The following NUP153 variants were observed in gnomAD, a reference collection of about 807,000 sequenced individuals.
NUP153 encodes the protein nucleoporin 153.
Under a neutral mutation model 134.6 loss-of-function variants are expected in NUP153, and 27 were observed. The ratio of observed to expected loss-of-function variants is 0.20; its 90% CI spans 0.15 to 0.28. The LOEUF is 0.28. NUP153 is among the 10% of genes least tolerant of loss of function. The probability of loss-of-function intolerance (pLI) is 1.00; values close to 1 mark genes in which losing one functional copy is unlikely to be tolerated. For synonymous variants in NUP153, 640 were observed against 623.5 expected (o/e 1.03, Z -0.40); for missense variants, 1,821 against 1,731.3 (o/e 1.05, Z -0.92).
intron 1 of NUP153, among the ~76,000 whole-genome samples, chr6:17,701,831 T>TG (rs1180643494): frequency 0.018 from 267 of 15,050 alleles, 19 homozygotes; most frequent in Non-Finnish European, 0.04. Context: ...AGACTCTGTC[T>TG]CGGGGGGGGG....
In NUP153 at chr6:17,693,652, C is replaced by T. The variant is rs987908643; in HGVS notation, c.112-5034G>A. ...CTGTAATCCCAGCACTTTGGGAGGC[C>T]GAGGCGGGCAGATCACTTGAAGTCA... On this transcript the variant is annotated intron_variant, in intron 1 of 21. Transcript: ENST00000262077. Among the ~76,000 whole-genome samples, 10 of 152,256 alleles carry T rather than the reference C, an allele frequency of 6.6e-5. No individual in the cohort carries two copies. In the South Asian group the frequency reaches 1.0e-3, roughly 16 times the overall value.
At chr6:17,700,111 GA>G (rs1769952423) in intron 1 of NUP153, among the ~76,000 whole-genome samples, 1 of 151,910 alleles carries the variant, frequency 6.6e-6, no homozygotes, top group African/African-American at 2.4e-5. Flanking sequence ...TAAGAAGCAG[GA>G]AAATTCAGAG....
chr6:17,675,526 A>T lies in NUP153; in HGVS notation c.579T>A (p.Asp193Glu). 6.2e-7 allele frequency: 1 copy of T among 1,613,910 alleles called. No homozygotes were observed. Among genetic ancestry groups the T allele is most frequent in the Non-Finnish European group, 8.5e-7 (1 of 1,179,786 alleles). Reference sequence around the variant, plus strand: ...ACTACCACATGTCAAGAATACCTTTATCAGAAGCTCTTGAAGAAAAACCAC... The same window carrying T: ...ACTACCACATGTCAAGAATACCTTTTTCAGAAGCTCTTGAAGAAAAACCAC... ...TTSGFSSRAS[D>E]KDITVSKNTS... The change falls in exon 3 of 22, where the codon GAT (aspartate) becomes GAA (glutamate). Residue 193 changes from aspartate (D) to glutamate (E), a missense_variant. Physicochemically the swap from Asp to Glu is conservative, Grantham distance 45 (BLOSUM62 2). Coordinates refer to ENST00000262077, the MANE Select transcript of NUP153 (RefSeq NM_005124.4). The surrounding 1 kb of genome is among the most constrained non-coding windows in gnomAD (Gnocchi z 4.4).
chr6:17,681,410 C>T (rs550014510), intron 2 of NUP153, among the ~76,000 whole-genome samples: 16 of 152,148 alleles, frequency 1.1e-4, no homozygotes, highest in African/African-American at 3.4e-4. Flanking sequence ...CAGGTGAAAC[C>T]CCGTGTCTAC....
At chr6:17,634,918 A>C (rs1765450582) in intron 16 of NUP153, among the ~76,000 whole-genome samples, 1 of 152,044 alleles carries the variant, frequency 6.6e-6, no homozygotes, top group Non-Finnish European at 1.5e-5. Context: ...ATTGTCTTGG[A>C]CCACAAGTAA....
At chr6:17,673,413 G>GTTATAT (rs1455593877) in intron 5 of NUP153, among the ~76,000 whole-genome samples, 7 of 152,052 alleles carry the variant, frequency 4.6e-5, no homozygotes, top group African/African-American at 1.7e-4. Flanking sequence ...ACCAGAGAAT[G>GTTATAT]GGAGAAAATA....
At chr6:17,662,107 T>C (rs769524305) in intron 9 of NUP153, 37 bp from the exon 10 acceptor site, 20 of 1,591,394 alleles carry the variant, frequency 1.3e-5, no homozygotes, top group Non-Finnish European at 1.6e-5. Flanking sequence ...CGTTTGCTTA[T>C]TTGTTGTAAT....
Position 17,625,840 on chromosome 6 carries a change from C to G in NUP153, c.3869G>C (p.Gly1290Ala). 1 of 1,614,054 alleles carries G rather than the reference C, an allele frequency of 6.2e-7. No homozygotes were observed. The highest frequency in any genetic ancestry group is 8.5e-7 in the Non-Finnish European group (1 of 1,179,942). The change falls in exon 19 of 22, where the codon GGC (glycine) becomes GCC (alanine). Residue 1290 changes from glycine (G) to alanine (A), a missense_variant. Physicochemically the swap from Gly to Ala is moderately conservative, Grantham distance 60. Coordinates refer to ENST00000262077, the MANE Select transcript of NUP153 (RefSeq NM_005124.4). This position sits in a 1 kb window ranked among gnomAD's most constrained non-coding sequence, Gnocchi z 4.7. ...GCTAGATGTGGTTGTGGCTCCAAAG[C>G]CGAAACCAGAGGTGGTAGTATTATT... ...SSNNTTTSGF[G>A]FGATTTSSSA...
intron 18 of NUP153, among the ~76,000 whole-genome samples, chr6:17,627,487 G>GT (rs1765004299): frequency 1.3e-5 from 2 of 152,148 alleles, no homozygotes; most frequent in East Asian, 1.9e-4. Flanking sequence ...TTGTGTTGGT[G>GT]TTTTTTTGTT....
intron 13 of NUP153, among the ~76,000 whole-genome samples, chr6:17,646,913 ATTTTCT>A (rs1766217983): frequency 1.0e-5 from 1 of 95,348 alleles, no homozygotes; most frequent in Non-Finnish European, 2.1e-5. Context: ...CTAATTCTGT[ATTTTCT>A]TTTTTTTTTT....
chr6:17,685,742 A>G (rs1338886280), intron 2 of NUP153, among the ~76,000 whole-genome samples: 1 of 152,106 alleles, frequency 6.6e-6, no homozygotes, highest in Non-Finnish European at 1.5e-5. Flanking sequence ...AAATACATTT[A>G]TGTACTCTAT....
Position 17,625,581 on chromosome 6 carries a change from C to T in NUP153, c.3901+227G>A, listed in dbSNP as rs1764890560. On this transcript the variant is annotated intron_variant, in intron 19 of 21. Transcript: ENST00000262077. This position sits in a 1 kb window ranked among gnomAD's most constrained non-coding sequence, Gnocchi z 4.7. ...GCTTAGAAAAATTAAGTATTACACT[C>T]TTACCACAATTAGAAAAATTGCTCC... Among the ~76,000 whole-genome samples, 1 of 152,060 alleles carries T rather than the reference C, an allele frequency of 6.6e-6. No individual in the cohort carries two copies. Among genetic ancestry groups the T allele is most frequent in the African/African-American group, 2.4e-5 (1 of 41,412 alleles).
chr6:17,657,298 T>C (rs1020451288), intron 11 of NUP153, among the ~76,000 whole-genome samples: 21 of 151,722 alleles, frequency 1.4e-4, no homozygotes, highest in Admixed American at 1.3e-3. Context: ...TCCCAGCACT[T>C]TGGGAAGCAA....
chr6:17,678,781 T>C (rs893891943), intron 2 of NUP153, among the ~76,000 whole-genome samples: 4 of 151,748 alleles, frequency 2.6e-5, no homozygotes, highest in Non-Finnish European at 4.4e-5. Context: ...TCATCTCTAC[T>C]AAAAATTTAA....
intron 1 of NUP153, among the ~76,000 whole-genome samples, chr6:17,693,681 G>A (rs1217268474): frequency 1.4e-5 from 2 of 142,762 alleles, no homozygotes; most frequent in African/African-American, 2.5e-5. Flanking sequence ...GAAGTCAGGA[G>A]CTGAGACCAG....
chr6:17,628,473 T>C lies in NUP153; in HGVS notation c.3544+182A>G, dbSNP rs1019107454. 5.3e-5 allele frequency among the ~76,000 whole-genome samples: 8 copies of C among 152,138 alleles called. No individual in the cohort carries two copies. The highest frequency in any genetic ancestry group is 1.7e-4 in the African/African-American group (7 of 41,430). On this transcript the variant is annotated intron_variant, in intron 18 of 21. Transcript: ENST00000262077. The surrounding 1 kb of genome is among the most constrained non-coding windows in gnomAD (Gnocchi z 5.4). ...TCCACAGATGACTTCACCAGAATCA[T>C]GAGGGTTTTAAAGAGCAGTTCAAAC...
chr6:17,637,847 A>T (rs1346841328), intron 15 of NUP153, 77 bp from the exon 16 acceptor site: 5 of 1,462,990 alleles, frequency 3.4e-6, no homozygotes, highest in Non-Finnish European at 4.5e-6. Context: ...ATTATTACTG[A>T]GAAGACGTTT....
chr6:17,649,923 G>A (rs1447720510), intron 11 of NUP153, among the ~76,000 whole-genome samples: 1 of 152,088 alleles, frequency 6.6e-6, no homozygotes, highest in African/African-American at 2.4e-5. Context: ...GGGGGTGAGG[G>A]GGAGCATTAT....
intron 14 of NUP153, among the ~76,000 whole-genome samples, chr6:17,640,489 TTAATA>T (rs1203300531): frequency 6.6e-6 from 1 of 152,224 alleles, no homozygotes; most frequent in Non-Finnish European, 1.5e-5. Context: ...ATTCACACTA[TTAATA>T]TAATTGAAAA....
Sources: gnomAD v4.1 joint callset for allele counts (sites outside exome capture counted in the v4.1 genomes callset) on GRCh38, gnomAD v4.1.1 for gene constraint, Gnocchi (gnomAD v3.1) non-coding constraint, MANE v1.5 for transcripts, NCBI Gene and HGNC (gene_info 2026-07-23, HGNC 2026-07-21) for gene names.